The following CTDSPL variants were observed in gnomAD, a reference collection of about 807,000 sequenced individuals.
CTDSPL encodes the protein CTD small phosphatase like, also known as CTD small phosphatase-like protein.
In CTDSPL, 8 loss-of-function variants were observed where a neutral mutation model predicts 30.5. The ratio of observed to expected loss-of-function variants is 0.26; its 90% CI spans 0.15 to 0.47. The LOEUF (loss-of-function observed/expected upper bound fraction) is 0.47. Ranked by LOEUF, CTDSPL falls within the 20% of genes least tolerant of loss-of-function variation. The pLI, the probability that CTDSPL is intolerant of heterozygous loss-of-function variation, is 0.99. For missense variants in CTDSPL, 248 were observed against 366.1 expected (o/e 0.68, Z 2.63); for synonymous variants, 110 against 137.9 (o/e 0.80, Z 1.42).
chr3:37,923,057 G>A (rs1372058173), intron 1 of CTDSPL, among the ~76,000 whole-genome samples: 1 of 152,228 alleles, frequency 6.6e-6, no homozygotes, highest in Non-Finnish European at 1.5e-5. Flanking sequence ...GGGGCTGTAA[G>A]CAGGAAGGGG....
At chr3:37,896,854 G>A (rs1447814684) in intron 1 of CTDSPL, among the ~76,000 whole-genome samples, 2 of 152,004 alleles carry the variant, frequency 1.3e-5, no homozygotes, top group East Asian at 1.9e-4. Context: ...TCAGTTATTC[G>A]TGTGATACTT....
chr3:37,964,140 C>T (rs907558040), intron 3 of CTDSPL, among the ~76,000 whole-genome samples: 7 of 147,318 alleles, frequency 4.8e-5, no homozygotes, highest in Non-Finnish European at 7.4e-5. Context: ...TATGACCCCA[C>T]GAAACAGACC....
chr3:37,924,206 A>C (rs1698754070), intron 1 of CTDSPL, among the ~76,000 whole-genome samples: 1 of 152,222 alleles, frequency 6.6e-6, no homozygotes, highest in Non-Finnish European at 1.5e-5. Flanking sequence ...ATTCGGCCTA[A>C]AGAGAGAAGA....
At chr3:37,874,916 G>A (rs1698119531) in intron 1 of CTDSPL, among the ~76,000 whole-genome samples, 1 of 152,122 alleles carries the variant, frequency 6.6e-6, no homozygotes, top group African/African-American at 2.4e-5. Flanking sequence ...TTACTTTGCA[G>A]ATTTGAAATC....
rs576155540 is a variant in CTDSPL at position 37,917,962 on chromosome 3, T to A, written c.80-29095T>A. Among the ~76,000 whole-genome samples the A allele has an allele frequency of 3.0e-4, 46 of 152,226 alleles. No homozygotes were observed. The Middle Eastern group carries it at 0.014, about 45-fold the overall frequency. ...AGTTTTCGCAAAGAATTTCCAAGTT[T>A]CGTAGAACTATTAATAGTTCATAAA... On this transcript the variant is annotated intron_variant, in intron 1 of 7. Coordinates refer to ENST00000273179, the MANE Select transcript of CTDSPL (RefSeq NM_001008392.2).
At chr3:37,960,123 A>C (rs1338344994) in intron 3 of CTDSPL, among the ~76,000 whole-genome samples, 1 of 152,112 alleles carries the variant, frequency 6.6e-6, no homozygotes, top group East Asian at 1.9e-4. Context: ...AGGTGGGCGG[A>C]TCACCTGAGA....
chr3:37,899,918 A>G (rs1331824811), intron 1 of CTDSPL, among the ~76,000 whole-genome samples: 1 of 152,176 alleles, frequency 6.6e-6, no homozygotes, highest in Non-Finnish European at 1.5e-5. Flanking sequence ...TAAAATGGAG[A>G]TAATAATGGT....
chr3:37,876,969 G>A (rs1387899318), intron 1 of CTDSPL, among the ~76,000 whole-genome samples: 7 of 151,832 alleles, frequency 4.6e-5, no homozygotes, highest in Non-Finnish European at 2.9e-5. Flanking sequence ...AGCCAGGTGT[G>A]GTGGTGCACG....
At chr3:37,902,449 C>G (rs1352908322) in intron 1 of CTDSPL, among the ~76,000 whole-genome samples, 2 of 152,108 alleles carry the variant, frequency 1.3e-5, no homozygotes, top group Non-Finnish European at 2.9e-5. Context: ...CCATGGGTCT[C>G]TGTACTTCCC....
At chr3:37,908,878 G>C (rs534547425) in intron 1 of CTDSPL, among the ~76,000 whole-genome samples, 2 of 152,266 alleles carry the variant, frequency 1.3e-5, no homozygotes, top group South Asian at 4.1e-4. Flanking sequence ...AATTGTCCAA[G>C]TTTGTTAGAG....
intron 1 of CTDSPL, among the ~76,000 whole-genome samples, chr3:37,909,174 T>A (rs76848159): frequency 0.011 from 1,739 of 152,248 alleles, 31 homozygotes; most frequent in African/African-American, 0.039. Flanking sequence ...GAAAAATGCA[T>A]CAAATTGAAG....
At chr3:37,932,202 C>T (rs1040661291) in intron 1 of CTDSPL, among the ~76,000 whole-genome samples, 1 of 152,112 alleles carries the variant, frequency 6.6e-6, no homozygotes, top group Non-Finnish European at 1.5e-5. Flanking sequence ...TTCATACATC[C>T]TACTGTATAC....
intron 1 of CTDSPL, among the ~76,000 whole-genome samples, chr3:37,881,281 C>G (rs1489064739): frequency 6.6e-6 from 1 of 152,134 alleles, no homozygotes; most frequent in Non-Finnish European, 1.5e-5. Context: ...GTAATCCCAG[C>G]ACTTTAGGAG....
chr3:37,955,732 C>T (rs1279461182), intron 2 of CTDSPL, among the ~76,000 whole-genome samples: 2 of 152,176 alleles, frequency 1.3e-5, no homozygotes, highest in African/African-American at 2.4e-5. Flanking sequence ...AAGACTATCT[C>T]TTGGGTACAG....
At chr3:37,929,274 T>G (rs1698821516) in intron 1 of CTDSPL, among the ~76,000 whole-genome samples, 1 of 152,204 alleles carries the variant, frequency 6.6e-6, no homozygotes. Flanking sequence ...CTTTTGTGGC[T>G]CCATATGAAT....
chr3:37,895,857 C>A (rs570238465), intron 1 of CTDSPL, among the ~76,000 whole-genome samples: 6 of 151,786 alleles, frequency 4.0e-5, no homozygotes, highest in African/African-American at 1.5e-4. Context: ...GGGCACTTCA[C>A]TGAATGTAAA....
At chr3:37,960,336 C>T (rs1233538049) in intron 3 of CTDSPL, among the ~76,000 whole-genome samples, 5 of 151,160 alleles carry the variant, frequency 3.3e-5, no homozygotes, top group South Asian at 2.1e-4. Flanking sequence ...CAAAATTAGC[C>T]GGGTATGGTG....
At chr3:37,881,717 C>T (rs187738412) in intron 1 of CTDSPL, among the ~76,000 whole-genome samples, 8 of 151,184 alleles carry the variant, frequency 5.3e-5, no homozygotes, top group African/African-American at 1.7e-4. Context: ...AGTGTGAAAA[C>T]GTGCAAAAAA....
chr3:37,891,337 C>A (rs1412024592), intron 1 of CTDSPL, among the ~76,000 whole-genome samples: 4 of 152,212 alleles, frequency 2.6e-5, no homozygotes, highest in Admixed American at 6.5e-5. Context: ...CAGTGATATT[C>A]AAGCAGCCAT....
Sources: allele counts gnomAD v4.1 joint callset (sites outside exome capture counted in the v4.1 genomes callset), GRCh38; gene constraint gnomAD v4.1.1; transcripts MANE v1.5; gene names NCBI Gene and HGNC (gene_info 2026-07-23, HGNC 2026-07-21).